The following ADAM12 variants were observed in gnomAD, a reference collection of about 807,000 sequenced individuals.
ADAM12 encodes disintegrin and metalloproteinase domain-containing protein 12.
Under a neutral mutation model 106.4 loss-of-function variants are expected in ADAM12, and 70 were observed. That is an observed-to-expected ratio of 0.66 (90% CI 0.54 to 0.80). The LOEUF (loss-of-function observed/expected upper bound fraction) is 0.80. ADAM12 is among the 30% of genes least tolerant of loss of function. The pLI, the probability that ADAM12 is intolerant of heterozygous loss-of-function variation, is 0.00. For synonymous variants in ADAM12, 420 were observed against 433.5 expected, an observed-to-expected ratio of 0.97 and a Z score of 0.39; for missense variants, 1,010 against 1,171.9, an observed-to-expected ratio of 0.86 and a Z score of 2.02.
chr10:126,066,383 G>A lies in ADAM12; in HGVS notation c.1413+334C>T, dbSNP rs1954869114. 6.6e-6 allele frequency among the ~76,000 whole-genome samples: 1 copy of A among 152,180 alleles called. No homozygotes were observed. The highest frequency in any genetic ancestry group is 2.4e-5 in the African/African-American group (1 of 41,446). ...TGACAGTGGATGGGGACTTGTTCTC[G>A]CCTTGCTCTTCTTGTCAGCATAGTA... is the stretch of plus-strand genomic sequence containing the variant. On this transcript the variant is annotated intron_variant, in intron 13 of 22. Transcript: ENST00000448723. This position sits in a 1 kb window ranked among gnomAD's most constrained non-coding sequence, Gnocchi z 5.1.
chr10:126,135,606 G>A lies in ADAM12; in HGVS notation c.394C>T (p.Leu132Phe). 2 of 1,614,234 alleles carry A rather than the reference G, an allele frequency of 1.2e-6. No individual in the cohort carries two copies. The highest frequency in any genetic ancestry group is 1.7e-6 in the Non-Finnish European group (2 of 1,180,028). The change falls in exon 5 of 23, where the codon CTC becomes TTC. Residue 132 changes from leucine (L) to phenylalanine (F), a missense_variant. This residue lies in a region of ADAM12 where 391 missense variants were observed against 442.9 expected (regional missense o/e 0.88). Coordinates refer to ENST00000448723, the MANE Select transcript of ADAM12 (RefSeq NM_001288973.2). The part of the protein sequence containing the change: ...VRGYSDSAVS[L>F]STCSGLRGLI... ...TACCTGAGACCAGAACACGTGCTGAGACTGACTGCTGAATCAGAATATCCC... is the reference window on the plus strand; with the variant it reads ...TACCTGAGACCAGAACACGTGCTGAAACTGACTGCTGAATCAGAATATCCC...
chr10:126,073,335 G>A (rs1197299894), intron 11 of ADAM12, among the ~76,000 whole-genome samples: 8 of 152,078 alleles, frequency 5.3e-5, no homozygotes, highest in South Asian at 4.1e-4. Flanking sequence ...TGATCTGCCC[G>A]CCTCGGCCTC....
chr10:126,276,200 C>T (rs1288721310), intron 3 of ADAM12, among the ~76,000 whole-genome samples: 2 of 152,162 alleles, frequency 1.3e-5, no homozygotes, highest in African/African-American at 2.4e-5. Flanking sequence ...GGTATACTAA[C>T]CAGCTTGCCT....
chr10:126,331,663 C>G (rs1854516122), intron 1 of ADAM12, among the ~76,000 whole-genome samples: 1 of 152,090 alleles, frequency 6.6e-6, no homozygotes, highest in Non-Finnish European at 1.5e-5. Context: ...CAGGAATGAA[C>G]TGAAAGTCCG....
At chr10:126,032,331 A>G (rs915614076) in intron 21 of ADAM12, among the ~76,000 whole-genome samples, 4 of 152,206 alleles carry the variant, frequency 2.6e-5, no homozygotes, top group South Asian at 4.1e-4. Flanking sequence ...TCCGTTCCCT[A>G]TGTGTGATGG....
intron 1 of ADAM12, among the ~76,000 whole-genome samples, chr10:126,332,646 CTGA>C (rs1854561776): frequency 6.6e-6 from 1 of 152,164 alleles, no homozygotes; most frequent in Non-Finnish European, 1.5e-5. Context: ...AAGCTGAGAG[CTGA>C]TGATGAGAAG....
chr10:126,106,453 G>A (rs1955769760), intron 8 of ADAM12, among the ~76,000 whole-genome samples: 1 of 150,668 alleles, frequency 6.6e-6, no homozygotes, highest in Non-Finnish European at 1.5e-5. Context: ...CCTGGGTCAG[G>A]TCAGGCCTTT....
At chr10:126,249,195 C>G (rs1958693256) in intron 3 of ADAM12, among the ~76,000 whole-genome samples, 1 of 152,178 alleles carries the variant, frequency 6.6e-6, no homozygotes, top group African/African-American at 2.4e-5. Flanking sequence ...CTAATTAACT[C>G]TGGAAGATAT....
chr10:126,267,263 C>T (rs1473360915), intron 3 of ADAM12, among the ~76,000 whole-genome samples: 1 of 152,182 alleles, frequency 6.6e-6, no homozygotes, highest in African/African-American at 2.4e-5. Flanking sequence ...AACTTTTTGG[C>T]ACCTGAGACC....
At chr10:126,025,974 T>C (rs113910843) in intron 21 of ADAM12, among the ~76,000 whole-genome samples, 3,296 of 152,198 alleles carry the variant, frequency 0.022, 103 homozygotes, top group East Asian at 0.11. Context: ...GGAAACCCAA[T>C]AAGCTAGAAG....
intron 2 of ADAM12, among the ~76,000 whole-genome samples, chr10:126,293,281 A>G (rs1565195756): frequency 2.0e-5 from 3 of 152,226 alleles, no homozygotes; most frequent in Admixed American, 6.5e-5. Context: ...CAATGGTAAC[A>G]GTTGGCTAAA....
At chr10:126,251,896 G>GGATGGGATGGATAGGATGGATGGGAT (rs1958779124) in intron 3 of ADAM12, among the ~76,000 whole-genome samples, 1 of 102,092 alleles carries the variant, frequency 9.8e-6, no homozygotes. Context: ...ATGGATGGAT[G>GGATGGGATGGATAGGATGGATGGGAT]GGATGGATAG....
chr10:126,062,984 A>C (rs1954789376), intron 14 of ADAM12, among the ~76,000 whole-genome samples: 1 of 152,244 alleles, frequency 6.6e-6, no homozygotes, highest in African/African-American at 2.4e-5. Flanking sequence ...TGTCAAGCCC[A>C]AACACCATTC....
intron 16 of ADAM12, among the ~76,000 whole-genome samples, chr10:126,048,232 A>C (rs1156379375): frequency 6.6e-6 from 1 of 152,234 alleles, no homozygotes; most frequent in Non-Finnish European, 1.5e-5. Context: ...CTGTACCACA[A>C]GCCCCCATGA....
At chr10:126,188,719 T>A (rs1486286965) in intron 3 of ADAM12, among the ~76,000 whole-genome samples, 1 of 152,202 alleles carries the variant, frequency 6.6e-6, no homozygotes, top group Non-Finnish European at 1.5e-5. Flanking sequence ...GAATCTTTTT[T>A]TCAATTGCAT....
chr10:126,183,740 A>C (rs980389098), intron 3 of ADAM12, among the ~76,000 whole-genome samples: 2 of 152,220 alleles, frequency 1.3e-5, no homozygotes, highest in African/African-American at 4.8e-5. Flanking sequence ...CAACCACAGG[A>C]GCCTGTGACA....
chr10:126,365,251 C>T (rs1855870661), intron 1 of ADAM12, among the ~76,000 whole-genome samples: 1 of 152,162 alleles, frequency 6.6e-6, no homozygotes, highest in Non-Finnish European at 1.5e-5. Context: ...CCATCGTTTA[C>T]TTCTGAACCT....
At chr10:126,161,059 T>G (rs1435911400) in intron 3 of ADAM12, among the ~76,000 whole-genome samples, 1 of 152,168 alleles carries the variant, frequency 6.6e-6, no homozygotes, top group Non-Finnish European at 1.5e-5. Context: ...ATCGCAGTCC[T>G]CCTTTGGTTT....
chr10:126,102,271 T>C (rs1955683144), intron 8 of ADAM12, among the ~76,000 whole-genome samples: 1 of 152,180 alleles, frequency 6.6e-6, no homozygotes, highest in African/African-American at 2.4e-5. Context: ...AATCTTTCAA[T>C]GCCCCTAGTG....
Sources: allele counts gnomAD v4.1 joint callset (sites outside exome capture counted in the v4.1 genomes callset), GRCh38; gene constraint gnomAD v4.1.1; regional missense constraint gnomAD v4.1.1; non-coding constraint Gnocchi (gnomAD v3.1); transcripts MANE v1.5; gene names NCBI Gene and HGNC (gene_info 2026-07-23, HGNC 2026-07-21).